HIVEP3: variants seen among roughly 807,000 people sequenced by gnomAD.
The protein encoded by HIVEP3 is HIVEP zinc finger 3.
A neutral mutation model predicts 152.8 loss-of-function variants in HIVEP3; 49 were observed. The ratio of observed to expected loss-of-function variants is 0.32; its 90% CI spans 0.26 to 0.41. The LOEUF (loss-of-function observed/expected upper bound fraction) is 0.41. HIVEP3 is among the 10% of genes least tolerant of loss of function. HIVEP3 has a pLI of 1.00. For missense variants in HIVEP3, 2,790 were observed against 3,103.3 expected (o/e 0.90, Z 2.40); for synonymous variants, 1,269 against 1,289.0 (o/e 0.98, Z 0.33).
At chr1:41,983,084 C>T (rs1451217598) in intron 1 of HIVEP3, among the ~76,000 whole-genome samples, 2 of 152,328 alleles carry the variant, frequency 1.3e-5, no homozygotes, top group South Asian at 4.1e-4. Flanking sequence ...AGGGTTCACA[C>T]CCCTACGAGA....
chr1:41,739,457 C>A (rs968091642), intron 1 of HIVEP3, among the ~76,000 whole-genome samples: 4 of 152,228 alleles, frequency 2.6e-5, no homozygotes, highest in African/African-American at 9.6e-5. Flanking sequence ...GGCCAAGTGA[C>A]CGCCCACAGA....
intron 1 of HIVEP3, among the ~76,000 whole-genome samples, chr1:41,775,717 T>C (rs1389141764): frequency 6.6e-6 from 1 of 152,136 alleles, no homozygotes; most frequent in Non-Finnish European, 1.5e-5. Flanking sequence ...CTTAAACTCC[T>C]GATCCTCATG....
intron 1 of HIVEP3, among the ~76,000 whole-genome samples, chr1:41,932,249 A>T (rs1196445210): frequency 6.6e-6 from 1 of 151,446 alleles, no homozygotes; most frequent in African/African-American, 2.4e-5. Flanking sequence ...TTTTAATTTC[A>T]TTGGTTGATT....
At chr1:41,947,784 G>A (rs957751793) in intron 1 of HIVEP3, among the ~76,000 whole-genome samples, 4 of 152,166 alleles carry the variant, frequency 2.6e-5, no homozygotes, top group African/African-American at 9.6e-5. Flanking sequence ...AGTGGCAAAG[G>A]GTTGGCCTCA....
At chr1:41,735,101 C>G (rs1229867038) in intron 1 of HIVEP3, among the ~76,000 whole-genome samples, 1 of 152,136 alleles carries the variant, frequency 6.6e-6, no homozygotes, top group East Asian at 1.9e-4. Flanking sequence ...CTTCAACAAC[C>G]CTTTGCAGAA....
intron 1 of HIVEP3, among the ~76,000 whole-genome samples, chr1:41,958,656 C>A (rs754293612): frequency 1.2e-4 from 19 of 152,310 alleles, no homozygotes; most frequent in Admixed American, 2.0e-4. Flanking sequence ...TGGCCCATTC[C>A]TGGATGACAG....
At chr1:41,649,403 A>T (rs1645511516) in intron 2 of HIVEP3, among the ~76,000 whole-genome samples, 1 of 152,182 alleles carries the variant, frequency 6.6e-6, no homozygotes, top group Non-Finnish European at 1.5e-5. Context: ...CCCCACCATG[A>T]TTCTGTTGCA....
At chr1:41,783,629 G>A (rs1329600295) in intron 1 of HIVEP3, among the ~76,000 whole-genome samples, 6 of 152,132 alleles carry the variant, frequency 3.9e-5, no homozygotes, top group South Asian at 2.1e-4. Flanking sequence ...ACACACACTC[G>A]CATAGATCAT....
intron 1 of HIVEP3, among the ~76,000 whole-genome samples, chr1:41,725,277 C>A (rs189613713): frequency 6.6e-6 from 1 of 152,204 alleles, no homozygotes; most frequent in Admixed American, 6.5e-5. Flanking sequence ...CTGGTTGCCA[C>A]TTATCAGCCG....
intron 1 of HIVEP3, among the ~76,000 whole-genome samples, chr1:41,762,454 C>T (rs114771557): frequency 2.6e-5 from 4 of 152,304 alleles, no homozygotes; most frequent in Non-Finnish European, 5.9e-5. Context: ...GCCCTGGATC[C>T]GCAGGCTGGA....
chr1:41,670,029 C>T (rs1415347715), intron 2 of HIVEP3, among the ~76,000 whole-genome samples: 3 of 152,180 alleles, frequency 2.0e-5, no homozygotes, highest in Admixed American at 6.5e-5. Flanking sequence ...TCATAGCTAG[C>T]AGAGGCCTCA....
intron 1 of HIVEP3, among the ~76,000 whole-genome samples, chr1:41,850,825 G>A (rs1332491897): frequency 6.6e-6 from 1 of 152,196 alleles, no homozygotes; most frequent in Non-Finnish European, 1.5e-5. Context: ...TTGAACTGCA[G>A]TGATGATAGC....
In HIVEP3 at chr1:41,863,298, G is replaced by A. The variant is rs1330732597; in HGVS notation, c.-801+55115C>T. 3.3e-5 allele frequency among the ~76,000 whole-genome samples: 5 copies of A among 152,196 alleles called. No homozygotes were observed. In the East Asian group the frequency reaches 9.6e-4, roughly 29 times the overall value. Reference sequence around the variant, plus strand: ...GGAAAAAGCAGAGAACGCTGGAAAAGGATGGCAGGAATTAACATGGCTCTG... The same window carrying A: ...GGAAAAAGCAGAGAACGCTGGAAAAAGATGGCAGGAATTAACATGGCTCTG... On this transcript the variant is annotated intron_variant, in intron 1 of 8. Coordinates refer to ENST00000372583, the MANE Select transcript of HIVEP3 (RefSeq NM_024503.5).
intron 1 of HIVEP3, among the ~76,000 whole-genome samples, chr1:42,011,919 G>A (rs967657076): frequency 1.3e-5 from 2 of 152,168 alleles, no homozygotes; most frequent in Non-Finnish European, 2.9e-5. Flanking sequence ...CGCTGGTGCT[G>A]TACCATGTGG....
intron 1 of HIVEP3, among the ~76,000 whole-genome samples, chr1:41,822,195 C>T (rs568550308): frequency 1.2e-3 from 190 of 152,284 alleles, no homozygotes; most frequent in Non-Finnish European, 2.4e-3. Context: ...GATCTCTCAT[C>T]CTCCAGGGCC....
At chr1:41,878,658 C>G (rs1440484980) in intron 1 of HIVEP3, among the ~76,000 whole-genome samples, 1 of 151,372 alleles carries the variant, frequency 6.6e-6, no homozygotes, top group East Asian at 1.9e-4. Flanking sequence ...CAAAAGAATT[C>G]CTTCCTTCCT....
intron 2 of HIVEP3, among the ~76,000 whole-genome samples, chr1:41,643,890 C>CT (rs58838768): frequency 0.037 from 2,676 of 71,940 alleles, 226 homozygotes; most frequent in African/African-American, 0.15. Flanking sequence ...TTCCCATCCT[C>CT]TTTTTTTTTT....
chr1:41,558,063 G>A (rs1221344783), intron 5 of HIVEP3, among the ~76,000 whole-genome samples: 2 of 152,202 alleles, frequency 1.3e-5, no homozygotes, highest in African/African-American at 4.8e-5. Flanking sequence ...AGCTGGGATT[G>A]AACTGGGCAC....
At chr1:41,725,837 G>A (rs1454390782) in intron 1 of HIVEP3, among the ~76,000 whole-genome samples, 2 of 152,196 alleles carry the variant, frequency 1.3e-5, no homozygotes, top group Non-Finnish European at 2.9e-5. Context: ...GACCCAAGCT[G>A]CATTACTTTT....
Sources: gnomAD v4.1 joint callset for allele counts (sites outside exome capture counted in the v4.1 genomes callset) on GRCh38, gnomAD v4.1.1 for gene constraint, MANE v1.5 for transcripts, NCBI Gene and HGNC (gene_info 2026-07-23, HGNC 2026-07-21) for gene names.